EXOC3L4: variants seen among roughly 807,000 people sequenced by gnomAD.
The protein encoded by EXOC3L4 is exocyst complex component 3-like protein 4.
In EXOC3L4, 62 loss-of-function variants were observed where a neutral mutation model predicts 69.7. The ratio of observed to expected loss-of-function variants is 0.89; its 90% confidence interval spans 0.72 to 1.10. EXOC3L4 has a LOEUF of 1.10. EXOC3L4 is among the 50% of genes least tolerant of loss of function. The pLI, the probability that EXOC3L4 is intolerant of heterozygous loss-of-function variation, is 0.00. For synonymous variants in EXOC3L4, 502 were observed against 464.2 expected, an observed-to-expected ratio of 1.08 and a Z score of -1.05; for missense variants, 1,087 against 1,034.8, an observed-to-expected ratio of 1.05 and a Z score of -0.69.
intron 2 of EXOC3L4, among the ~76,000 whole-genome samples, chr14:103,101,780 T>C (rs948226679): frequency 9.9e-5 from 15 of 152,214 alleles, no homozygotes; most frequent in Non-Finnish European, 1.6e-4. Flanking sequence ...CCGACCCTAT[T>C]AGACCTGCAA....
intron 4 of EXOC3L4, 71 bp downstream of exon 4, chr14:103,104,123 C>T (rs1027777529): frequency 7.3e-5 from 106 of 1,451,170 alleles, no homozygotes; most frequent in Non-Finnish European, 9.0e-5. Flanking sequence ...GTGCGGCGCC[C>T]AGGCTATCGG....
intron 1 of EXOC3L4, among the ~76,000 whole-genome samples, chr14:103,095,403 C>G (rs972990234): frequency 2.0e-5 from 3 of 152,150 alleles, no homozygotes; most frequent in Non-Finnish European, 4.4e-5. Context: ...CAGGAGGTGC[C>G]GAACATGGTA....
Position 103,097,474 on chromosome 14 carries a change from G to A in EXOC3L4, c.-17+2634G>A, listed in dbSNP as rs1463430051. Among the ~76,000 whole-genome samples the A allele has an allele frequency of 2.0e-5, 3 of 152,162 alleles. No individual in the cohort carries two copies. Among genetic ancestry groups the A allele is most frequent in the African/African-American group, 4.8e-5 (2 of 41,430 alleles). On this transcript the variant is annotated intron_variant, in intron 1 of 11. Coordinates refer to ENST00000688303, the MANE Select transcript of EXOC3L4 (RefSeq NM_001077594.2). This position sits in a 1 kb window ranked among gnomAD's most constrained non-coding sequence, Gnocchi z 4.9. The stretch of plus-strand genomic sequence containing the variant: ...AGGCCAGGCGAGAGCCTTGGGAGGT[G>A]GAGGGGGGAGTTGAGAGGGGCCTTC...
In EXOC3L4 at chr14:103,100,215, C is replaced by T. The variant is rs764610103; in HGVS notation, c.-5C>T. 1.3e-6 allele frequency: 2 copies of T among 1,566,926 alleles called. No homozygotes were observed. Among genetic ancestry groups the T allele is most frequent in the Non-Finnish European group, 1.7e-6 (2 of 1,151,518 alleles). ...CTTCTTGCCCCCAGCTCTCCTGCTG[C>T]CAAGATGCCATCACCACAGACAGAC... On this transcript the variant is annotated 5_prime_UTR_variant, in exon 2 of 12. Transcript: ENST00000688303.
In EXOC3L4 at chr14:103,104,761, G is replaced by A; in HGVS notation, c.1308G>A (p.Ala436=). The A allele has an allele frequency of 1.3e-6, 2 of 1,519,500 alleles. No homozygotes were observed. Among genetic ancestry groups the A allele is most frequent in the Non-Finnish European group, 8.8e-7 (1 of 1,132,212 alleles). The allele number at this position is 1,519,500 out of a possible 1,614,324, so 94.1% of individuals were successfully genotyped here. Reference sequence around the variant, plus strand: ...AGCTCGTGGCCGAGCACGTGAAGGCGGCCGGCGCCATCTCCGCGGAGCTGG... The same window carrying A: ...AGCTCGTGGCCGAGCACGTGAAGGCAGCCGGCGCCATCTCCGCGGAGCTGG... ...VHMLVAEHVK[A]AGAISAELEA... The change falls in exon 6 of 12, where the codon GCG becomes GCA. Residue 436 remains alanine (A), a synonymous_variant. Transcript: ENST00000688303.
chr14:103,095,206 A>G (rs1781654390), intron 1 of EXOC3L4, among the ~76,000 whole-genome samples: 1 of 152,206 alleles, frequency 6.6e-6, no homozygotes, highest in South Asian at 2.1e-4. Flanking sequence ...AAGTGTGTAT[A>G]TGCCCGCGCG....
At chr14:103,106,329 C>G (rs1392778202) in intron 7 of EXOC3L4, among the ~76,000 whole-genome samples, 2 of 152,242 alleles carry the variant, frequency 1.3e-5, no homozygotes, top group Non-Finnish European at 2.9e-5. Flanking sequence ...GGAGCGTTCT[C>G]TGCCCCTTGG....
Position 103,104,010 on chromosome 14 carries a change from C to A in EXOC3L4, c.1119C>A (p.Asp373Glu), listed in dbSNP as rs924671718. ...CGCTGCCTCCGCTCCTGGCGCCGGA[C>A]GTGTGGGCCCGACTGGAGAGCGACT... Reference protein sequence around the residue: ...AEPLPPLLAPDVWARLESDYT... With the variant: ...AEPLPPLLAPEVWARLESDYT... The change falls in exon 4 of 12, where the codon GAC becomes GAA. Residue 373 changes from aspartate (D) to glutamate (E), a missense_variant. Coordinates refer to ENST00000688303, the MANE Select transcript of EXOC3L4 (RefSeq NM_001077594.2). 2.5e-6 allele frequency: 4 copies of A among 1,577,958 alleles called. No homozygotes were observed. The highest frequency in any genetic ancestry group is 3.4e-6 in the Non-Finnish European group (4 of 1,166,890).
intron 1 of EXOC3L4, among the ~76,000 whole-genome samples, chr14:103,098,225 G>A (rs563767206): frequency 6.6e-5 from 10 of 152,208 alleles, no homozygotes; most frequent in East Asian, 5.8e-4. Flanking sequence ...CCCGGCGCTC[G>A]TCTGGGCTTC....
intron 1 of EXOC3L4, among the ~76,000 whole-genome samples, chr14:103,099,681 C>T (rs909164802): frequency 3.9e-5 from 6 of 152,270 alleles, no homozygotes; most frequent in African/African-American, 1.4e-4. Context: ...CTGCCCTCCC[C>T]GTTGAGCCAA....
At position 103,102,643 on chromosome 14, in the gene EXOC3L4, C is replaced by CCGCGT. The variant is rs1890270925; in HGVS notation, c.920_921insCGCGT (p.Trp309Ter). ...CCCGCGTATGCGGCGGCCGGCTTCC[C>CCGCGT]AGCGTGGGAGGTCTATCTGCGTGCC... On this transcript the variant is annotated frameshift_variant, in exon 3 of 12. Coordinates refer to ENST00000688303, the MANE Select transcript of EXOC3L4 (RefSeq NM_001077594.2). LOFTEE classifies it high-confidence loss of function. The CCGCGT allele has an allele frequency of 6.7e-7, 1 of 1,501,162 alleles. No individual in the cohort carries two copies. Among genetic ancestry groups the CCGCGT allele is most frequent in the Non-Finnish European group, 8.8e-7 (1 of 1,130,978 alleles). The allele number at this position is 1,501,162 out of a possible 1,614,324, so 93.0% of individuals were successfully genotyped here.
Position 103,102,638 on chromosome 14 carries a change from CT to C in EXOC3L4, c.917del (p.Phe306SerfsTer129). 6.7e-7 allele frequency: 1 copy of C among 1,499,704 alleles called. No homozygotes were observed. Among genetic ancestry groups the C allele is most frequent in the Non-Finnish European group, 8.9e-7 (1 of 1,129,926 alleles). The allele number at this position is 1,499,704 out of a possible 1,614,324, so 92.9% of individuals were successfully genotyped here. A position where few individuals can be genotyped will look rare whatever the true frequency, so the allele number is the denominator to read the frequency against. On this transcript the variant is annotated frameshift_variant, in exon 3 of 12. Transcript: ENST00000688303. LOFTEE classifies it high-confidence loss of function. ...TGCAGCCCGCGTATGCGGCGGCCGGCTTCCCAGCGTGGGAGGTCTATCTGCG... is the reference window on the plus strand; with the variant it reads ...TGCAGCCCGCGTATGCGGCGGCCGGCTCCCAGCGTGGGAGGTCTATCTGCG... ...EVQPAYAAAG[F>X]PAWEVYLRAF...
At chr14:103,106,742 G>A (rs1229063328) in intron 7 of EXOC3L4, 43 bp from the exon 8 acceptor site, 2 of 1,297,884 alleles carry the variant, frequency 1.5e-6, no homozygotes, top group Admixed American at 4.9e-5. Flanking sequence ...CCCCAGCCTG[G>A]TCTCCCTTGC....
In EXOC3L4 at chr14:103,108,473, C is replaced by A; in HGVS notation, c.1932C>A (p.Ile644=). The change falls in exon 11 of 12, where the codon ATC becomes ATA. Residue 644 remains isoleucine (I), a synonymous_variant. Transcript: ENST00000688303. ...EILGETYKDD[I]QRHLETLIRS... is the part of the protein sequence containing the mutation. ...TGGGCGAGACCTACAAAGATGACAT[C>A]CAGCGGCACCTGGAGACTCTTATCC... 6.2e-7 allele frequency: 1 copy of A among 1,613,988 alleles called. No individual in the cohort carries two copies. The highest frequency in any genetic ancestry group is 8.5e-7 in the Non-Finnish European group (1 of 1,179,912).
chr14:103,106,624 G>A (rs1890563279), intron 7 of EXOC3L4, among the ~76,000 whole-genome samples, 161 bp from the exon 8 acceptor site: 1 of 152,202 alleles, frequency 6.6e-6, no homozygotes, highest in South Asian at 2.1e-4. Context: ...CTGGGCTTCT[G>A]TGCTGTCCCC....
chr14:103,109,719 C>A (rs1259298041), intron 11 of EXOC3L4, among the ~76,000 whole-genome samples: 1 of 134,056 alleles, frequency 7.5e-6, no homozygotes, highest in Non-Finnish European at 1.6e-5. Context: ...GTCCCTGGGT[C>A]TCCCTCTCTC....
rs1890383588 is a variant in EXOC3L4 at position 103,104,049 on chromosome 14, G to T, written c.1158G>T (p.Leu386=). 2 of 1,566,942 alleles carry T rather than the reference G, an allele frequency of 1.3e-6. No homozygotes were observed. The part of the protein sequence containing the change: ...ARLESDYTSF[L]EAKIASCFDS... ...TGGAGAGCGACTACACCAGCTTCCTGGAGGTCAGGCCGGGCGGGTCAGGCT... is the reference window on the plus strand; with the variant it reads ...TGGAGAGCGACTACACCAGCTTCCTTGAGGTCAGGCCGGGCGGGTCAGGCT... The change falls in exon 4 of 12, where the codon CTG becomes CTT. Residue 386 remains leucine, a synonymous_variant. Transcript: ENST00000688303.
In EXOC3L4 at chr14:103,104,025, G is replaced by A; in HGVS notation, c.1134G>A (p.Leu378=). 1 of 1,578,392 alleles carries A rather than the reference G, an allele frequency of 6.3e-7. No individual in the cohort carries two copies. Residue 378 remains leucine (L), a synonymous_variant, in exon 4 of 12, where the codon CTG becomes CTA. Transcript: ENST00000688303. ...TGGCGCCGGACGTGTGGGCCCGACTGGAGAGCGACTACACCAGCTTCCTGG... is the reference window on the plus strand; with the variant it reads ...TGGCGCCGGACGTGTGGGCCCGACTAGAGAGCGACTACACCAGCTTCCTGG... ...PLLAPDVWAR[L]ESDYTSFLEA... is the part of the protein sequence containing the mutation.
At chr14:103,108,732 C>T (rs1211415245) in intron 11 of EXOC3L4, among the ~76,000 whole-genome samples, 6 of 152,072 alleles carry the variant, frequency 3.9e-5, no homozygotes, top group South Asian at 2.1e-4. Flanking sequence ...TCAGCCCCAC[C>T]AGGGGTGGGC....
Sources: allele counts gnomAD v4.1 joint callset (sites outside exome capture counted in the v4.1 genomes callset), GRCh38; gene constraint gnomAD v4.1.1; non-coding constraint Gnocchi (gnomAD v3.1); transcripts MANE v1.5; gene names NCBI Gene and HGNC (gene_info 2026-07-23, HGNC 2026-07-21).